The following RCAN2 variants were observed in gnomAD, a reference collection of about 807,000 sequenced individuals.
RCAN2 encodes regulator of calcineurin 2, also known as calcipressin-2.
RCAN2 carries 9 observed loss-of-function variants against 23.6 expected under a neutral mutation model. The observed-to-expected ratio is 0.38, with a 90% CI of 0.23 to 0.67. The LOEUF (loss-of-function observed/expected upper bound fraction) is 0.67. Among genes scored for constraint, RCAN2 ranks in the 30% least tolerant of loss-of-function variants. The probability of loss-of-function intolerance (pLI) is 0.51; values close to 1 mark genes in which losing one functional copy is unlikely to be tolerated. For synonymous variants in RCAN2, 109 were observed against 115.7 expected (o/e 0.94, Z 0.37); for missense variants, 273 against 302.3 (o/e 0.90, Z 0.72).
intron 2 of RCAN2, among the ~76,000 whole-genome samples, chr6:46,450,407 T>C (rs1027271127): frequency 6.6e-6 from 1 of 152,030 alleles, no homozygotes; most frequent in South Asian, 2.1e-4. Flanking sequence ...AAACTAAAAA[T>C]AGAACCACCA....
chr6:46,370,385 C>T (rs957178219), intron 2 of RCAN2, among the ~76,000 whole-genome samples: 1 of 152,168 alleles, frequency 6.6e-6, no homozygotes, highest in African/African-American at 2.4e-5. Flanking sequence ...CTGTGTCTTG[C>T]TCTGTGTCCC....
At chr6:46,258,336 A>C (rs1214151427) in intron 2 of RCAN2, among the ~76,000 whole-genome samples, 1 of 152,220 alleles carries the variant, frequency 6.6e-6, no homozygotes, top group Non-Finnish European at 1.5e-5. Context: ...CTGGACTTTA[A>C]CCTATCAGGA....
At chr6:46,354,428 C>T (rs1386792086) in intron 2 of RCAN2, among the ~76,000 whole-genome samples, 1 of 152,160 alleles carries the variant, frequency 6.6e-6, no homozygotes, top group Non-Finnish European at 1.5e-5. Context: ...ATTCCCATGT[C>T]AGTTTCTTGA....
At chr6:46,392,633 T>C (rs550253200) in intron 2 of RCAN2, among the ~76,000 whole-genome samples, 24 of 152,156 alleles carry the variant, frequency 1.6e-4, no homozygotes, top group Non-Finnish European at 2.5e-4. Flanking sequence ...TCCTCACATA[T>C]TTGCATTAAA....
At chr6:46,316,355 G>C (rs1763438160) in intron 2 of RCAN2, among the ~76,000 whole-genome samples, 1 of 152,172 alleles carries the variant, frequency 6.6e-6, no homozygotes, top group South Asian at 2.1e-4. Context: ...TCAGTTTGTA[G>C]TTGAGGAAAC....
chr6:46,292,440 T>TG (rs55835013), intron 2 of RCAN2, among the ~76,000 whole-genome samples: 4,511 of 137,440 alleles, frequency 0.033, 120 homozygotes, highest in Middle Eastern at 0.067. Flanking sequence ...TTTTTTTTGT[T>TG]TTTTTTTTTG....
intron 2 of RCAN2, among the ~76,000 whole-genome samples, chr6:46,266,571 T>A (rs1767336434): frequency 6.6e-6 from 1 of 152,138 alleles, no homozygotes; most frequent in South Asian, 2.1e-4. Flanking sequence ...CCGGAAGAAT[T>A]TATTTCTGCT....
chr6:46,293,906 T>C (rs1762640420), intron 2 of RCAN2, among the ~76,000 whole-genome samples: 1 of 152,148 alleles, frequency 6.6e-6, no homozygotes, highest in South Asian at 2.1e-4. Context: ...AAATAGAGCA[T>C]GTTGCAAAAG....
chr6:46,238,259 T>C (rs1582016869), intron 4 of RCAN2, among the ~76,000 whole-genome samples: 3 of 152,302 alleles, frequency 2.0e-5, no homozygotes, highest in Admixed American at 2.0e-4. Context: ...TCCACTCTTC[T>C]TTCTGCACAC....
chr6:46,448,176 CA>C (rs1767768445), intron 2 of RCAN2, among the ~76,000 whole-genome samples: 1 of 151,570 alleles, frequency 6.6e-6, no homozygotes, highest in Non-Finnish European at 1.5e-5. Flanking sequence ...CACAAGAATA[CA>C]AAAGATCATA....
intron 2 of RCAN2, among the ~76,000 whole-genome samples, chr6:46,268,614 C>T (rs1767421006): frequency 6.6e-6 from 1 of 152,270 alleles, no homozygotes; most frequent in South Asian, 2.1e-4. Flanking sequence ...CATTGACTGG[C>T]CAAATACGTG....
At chr6:46,326,588 C>A (rs529467097) in intron 2 of RCAN2, among the ~76,000 whole-genome samples, 3 of 152,218 alleles carry the variant, frequency 2.0e-5, no homozygotes, top group Non-Finnish European at 2.9e-5. Flanking sequence ...GGAATAGCCT[C>A]CTTTCACAGG....
intron 2 of RCAN2, among the ~76,000 whole-genome samples, chr6:46,274,278 T>C (rs1767616500): frequency 6.6e-6 from 1 of 152,240 alleles, no homozygotes; most frequent in South Asian, 2.1e-4. Flanking sequence ...TGAATCCCAT[T>C]ACTCTATTCA....
chr6:46,478,444 A>AG (rs1768770215), intron 1 of RCAN2, among the ~76,000 whole-genome samples: 1 of 152,052 alleles, frequency 6.6e-6, no homozygotes, highest in Admixed American at 6.5e-5. Context: ...ATGCACAGAA[A>AG]AAAAAAGTCC....
intron 1 of RCAN2, among the ~76,000 whole-genome samples, chr6:46,474,011 T>C (rs1582231925): frequency 1.3e-5 from 2 of 151,986 alleles, no homozygotes; most frequent in African/African-American, 4.8e-5. Context: ...GAGTGGGTGG[T>C]GGAGGAGAGG....
intron 2 of RCAN2, among the ~76,000 whole-genome samples, chr6:46,403,873 G>A (rs1051152271): frequency 6.6e-6 from 1 of 152,176 alleles, no homozygotes; most frequent in African/African-American, 2.4e-5. Context: ...GGGCCGATGA[G>A]GTGAGGTTGG....
intron 2 of RCAN2, among the ~76,000 whole-genome samples, chr6:46,455,872 G>A (rs1323809281): frequency 2.2e-5 from 3 of 134,176 alleles, no homozygotes; most frequent in African/African-American, 2.8e-5. Context: ...AAAAAAGAAA[G>A]AAAGAAAGAA....
chr6:46,231,812 C>T (rs1187139376), intron 4 of RCAN2, among the ~76,000 whole-genome samples: 1 of 152,152 alleles, frequency 6.6e-6, no homozygotes, highest in Non-Finnish European at 1.5e-5. Context: ...GTATTAGGCA[C>T]CTCTTGCCCT....
At chr6:46,238,588 C>T (rs1766189810) in intron 4 of RCAN2, among the ~76,000 whole-genome samples, 1 of 152,222 alleles carries the variant, frequency 6.6e-6, no homozygotes. Flanking sequence ...TCACTTTGCT[C>T]TGTCACCTAG....
Sources: gnomAD v4.1 joint callset for allele counts (sites outside exome capture counted in the v4.1 genomes callset) on GRCh38, gnomAD v4.1.1 for gene constraint, MANE v1.5 for transcripts, NCBI Gene and HGNC (gene_info 2026-07-23, HGNC 2026-07-21) for gene names.